KAT2B: variants seen among roughly 807,000 people sequenced by gnomAD.
KAT2B encodes the protein histone acetyltransferase KAT2B.
KAT2B carries 36 observed loss-of-function variants against 105.9 expected under a neutral mutation model. The ratio of observed to expected loss-of-function variants is 0.34; its 90% CI spans 0.26 to 0.45. The LOEUF (loss-of-function observed/expected upper bound fraction) is 0.45, where lower values mean the gene tolerates loss of function less well. Ranked by LOEUF, KAT2B falls within the 20% of genes least tolerant of loss-of-function variation. KAT2B has a pLI of 1.00. For missense variants in KAT2B, 820 were observed against 1,021.6 expected, an observed-to-expected ratio of 0.80 and a Z score of 2.69; for synonymous variants, 397 against 377.9, an observed-to-expected ratio of 1.05 and a Z score of -0.59.
intron 1 of KAT2B, among the ~76,000 whole-genome samples, chr3:20,044,979 C>G (rs1453715101): frequency 6.6e-6 from 1 of 152,100 alleles, no homozygotes; most frequent in African/African-American, 2.4e-5. Flanking sequence ...TAGGACAGTT[C>G]TAGGTGTCCC....
chr3:20,084,049 C>T (rs1203374241), intron 2 of KAT2B, among the ~76,000 whole-genome samples: 1 of 152,116 alleles, frequency 6.6e-6, no homozygotes, highest in East Asian at 1.9e-4. Flanking sequence ...TAGGTGAGAG[C>T]TGAAAAGGAT....
intron 3 of KAT2B, among the ~76,000 whole-genome samples, chr3:20,098,145 G>T (rs1234438705): frequency 2.0e-5 from 3 of 151,688 alleles, no homozygotes; most frequent in African/African-American, 4.8e-5. Context: ...CAGGAGAATT[G>T]CTTGAGTCCG....
intron 2 of KAT2B, among the ~76,000 whole-genome samples, chr3:20,090,153 A>T (rs1227490253): frequency 6.6e-6 from 1 of 152,208 alleles, no homozygotes; most frequent in Non-Finnish European, 1.5e-5. Context: ...CTGCAGAGAC[A>T]ATTTAACTTC....
chr3:20,068,970 C>T (rs1410562093), intron 1 of KAT2B, among the ~76,000 whole-genome samples: 1 of 152,050 alleles, frequency 6.6e-6, no homozygotes, highest in Non-Finnish European at 1.5e-5. Context: ...AGAGGTTGGC[C>T]CACAATAAGG....
intron 11 of KAT2B, among the ~76,000 whole-genome samples, chr3:20,130,673 G>A (rs1019453327): frequency 6.6e-6 from 1 of 152,130 alleles, no homozygotes. Context: ...TCCCAGAAAG[G>A]CAATTCCCCC....
At chr3:20,108,977 C>G (rs565627154) in intron 5 of KAT2B, among the ~76,000 whole-genome samples, 1 of 152,292 alleles carries the variant, frequency 6.6e-6, no homozygotes, top group African/African-American at 2.4e-5. Flanking sequence ...AAAGCAATCC[C>G]TGGTGCCAAA....
At chr3:20,098,525 CT>C (rs371422367) in intron 3 of KAT2B, among the ~76,000 whole-genome samples, 2 of 152,086 alleles carry the variant, frequency 1.3e-5, no homozygotes, top group East Asian at 1.9e-4. Flanking sequence ...CTATTAAGAA[CT>C]TTTTTTTATA....
At chr3:20,151,327 C>T (rs1006721320) in intron 17 of KAT2B, among the ~76,000 whole-genome samples, 2 of 152,070 alleles carry the variant, frequency 1.3e-5, no homozygotes, top group Non-Finnish European at 2.9e-5. Context: ...GGATATTGTA[C>T]GTACATTTAC....
chr3:20,053,020 A>G (rs1575105845), intron 1 of KAT2B, among the ~76,000 whole-genome samples: 2 of 152,254 alleles, frequency 1.3e-5, no homozygotes, highest in African/African-American at 4.8e-5. Context: ...GAGGTTTAGT[A>G]GCTAGCTTTG....
intron 1 of KAT2B, among the ~76,000 whole-genome samples, chr3:20,064,193 A>C (rs1366310167): frequency 6.6e-6 from 1 of 152,178 alleles, no homozygotes; most frequent in Non-Finnish European, 1.5e-5. Flanking sequence ...CTCCTTTTGA[A>C]AAAAGAACTT....
chr3:20,124,623 A>G (rs1193881102), intron 9 of KAT2B, among the ~76,000 whole-genome samples: 5 of 152,246 alleles, frequency 3.3e-5, no homozygotes, highest in Non-Finnish European at 7.3e-5. Flanking sequence ...GAGGGGTCAC[A>G]CATTCAAACT....
intron 5 of KAT2B, among the ~76,000 whole-genome samples, chr3:20,107,654 C>CT (rs1302085179): frequency 8.9e-6 from 1 of 112,510 alleles, no homozygotes; most frequent in Non-Finnish European, 1.8e-5. Flanking sequence ...AATACTATGT[C>CT]TCAAAAAAAA....
chr3:20,092,501 A>G (rs1450700394), intron 2 of KAT2B, among the ~76,000 whole-genome samples: 1 of 151,748 alleles, frequency 6.6e-6, no homozygotes. Flanking sequence ...AAGTGCTGGG[A>G]TTACAGGCAT....
chr3:20,081,315 G>A (rs529902973), intron 2 of KAT2B, among the ~76,000 whole-genome samples: 5 of 152,260 alleles, frequency 3.3e-5, no homozygotes, highest in South Asian at 4.1e-4. Context: ...AATGATACAC[G>A]GAGCCAGAGG....
chr3:20,114,843 G>GTTT, intron 6 of KAT2B, 39 bp from the exon 7 acceptor site: 1 of 1,148,172 alleles, frequency 8.7e-7, no homozygotes, highest in Non-Finnish European at 1.3e-6. Context: ...CCTTACAGTA[G>GTTT]TTTTTTTTTA....
chr3:20,099,492 T>C (rs1010916894), intron 3 of KAT2B, among the ~76,000 whole-genome samples: 9 of 152,164 alleles, frequency 5.9e-5, no homozygotes, highest in African/African-American at 2.2e-4. Context: ...TAGGGTTGCA[T>C]ACCAGGCCTC....
At chr3:20,093,674 A>T (rs1288838295) in intron 2 of KAT2B, among the ~76,000 whole-genome samples, 6 of 152,208 alleles carry the variant, frequency 3.9e-5, no homozygotes, top group African/African-American at 1.4e-4. Context: ...AAGAACGAGG[A>T]AAAATCTATC....
chr3:20,066,891 A>C (rs1216991157), intron 1 of KAT2B, among the ~76,000 whole-genome samples: 1 of 152,170 alleles, frequency 6.6e-6, no homozygotes, highest in East Asian at 1.9e-4. Flanking sequence ...TTTAATACGA[A>C]GTCTTTGAAA....
intron 11 of KAT2B, among the ~76,000 whole-genome samples, chr3:20,129,916 G>A (rs1343883971): frequency 6.6e-6 from 1 of 152,094 alleles, no homozygotes; most frequent in African/African-American, 2.4e-5. Context: ...TGGGCTATTG[G>A]TACTTTAGCT....
Sources: gnomAD v4.1 joint callset for allele counts (sites outside exome capture counted in the v4.1 genomes callset) on GRCh38, gnomAD v4.1.1 for gene constraint, MANE v1.5 for transcripts, NCBI Gene and HGNC (gene_info 2026-07-23, HGNC 2026-07-21) for gene names.